Variants in IST1 observed in about 807,000 individuals in gnomAD.
The protein encoded by IST1 is IST1 factor associated with ESCRT-III.
In IST1, 23 loss-of-function variants were observed where a neutral mutation model predicts 37.0. The ratio of observed to expected loss-of-function variants is 0.62; its 90% CI spans 0.45 to 0.88. The LOEUF (loss-of-function observed/expected upper bound fraction) is 0.88. Ranked by LOEUF, IST1 falls within the 40% of genes least tolerant of loss-of-function variation. IST1 has a pLI of 0.00. For missense variants in IST1, 488 were observed against 445.4 expected, an observed-to-expected ratio of 1.10 and a Z score of -0.86; for synonymous variants, 180 against 161.7, an observed-to-expected ratio of 1.11 and a Z score of -0.86.
chr16:71,929,557 A>G lies in IST1; in HGVS notation c.*1744A>G. The G allele has an allele frequency of 6.4e-7, 1 of 1,551,036 alleles. No homozygotes were observed. Among genetic ancestry groups the G allele is most frequent in the Non-Finnish European group, 8.7e-7 (1 of 1,146,840 alleles). On this transcript the variant is annotated 3_prime_UTR_variant, in exon 10 of 10. Transcript: ENST00000378799. The stretch of plus-strand genomic sequence containing the variant: ...ACAGGATTAAGGTAGTTCATCTAAA[A>G]CTTCAGTGTCACTGCCCACTGCTGT...
chr16:71,903,965 CTGT>C (rs1447764420), intron 1 of IST1, among the ~76,000 whole-genome samples: 1 of 152,136 alleles, frequency 6.6e-6, no homozygotes, highest in Non-Finnish European at 1.5e-5. Context: ...TTTTGAAGCT[CTGT>C]TGTTGGGTGC....
chr16:71,929,022 GT>G lies in IST1; in HGVS notation c.*1212del, dbSNP rs2037821431. ...GATCCTGTGTCCTGCTTTCTCTACT[GT>G]TTGGTCAGATGATGAAGTATAAATC... On this transcript the variant is annotated 3_prime_UTR_variant, in exon 10 of 10. Coordinates refer to ENST00000378799, the MANE Select transcript of IST1 (RefSeq NM_001270975.2). 1 of 153,090 alleles carries G rather than the reference GT, an allele frequency of 6.5e-6. No homozygotes were observed. The highest frequency in any genetic ancestry group is 2.0e-4 in the South Asian group (1 of 4,898). The allele number at this position is 153,090 out of a possible 1,614,324, so 9.5% of individuals were successfully genotyped here. A position where few individuals can be genotyped will look rare whatever the true frequency, so the allele number is the denominator to read the frequency against.
intron 9 of IST1, among the ~76,000 whole-genome samples, chr16:71,925,951 A>G (rs1485774407): frequency 2.6e-5 from 4 of 151,086 alleles, no homozygotes; most frequent in African/African-American, 7.3e-5. Context: ...AAAAATTAAG[A>G]TAATACCTAC....
At chr16:71,920,917 G>A (rs1567471308) in intron 5 of IST1, 95 bp downstream of exon 5, 4 of 905,272 alleles carry the variant, frequency 4.4e-6, no homozygotes, top group Non-Finnish European at 7.4e-6. Context: ...GTATTGCTCA[G>A]TATGGGGTTT....
At position 71,927,975 on chromosome 16, in the gene IST1, C is replaced by CAGTTCTCTGTTGATCCT; in HGVS notation, c.*163_*179dup. 1 of 612,074 alleles carries CAGTTCTCTGTTGATCCT rather than the reference C, an allele frequency of 1.6e-6. No homozygotes were observed. The highest frequency in any genetic ancestry group is 2.8e-5 in the East Asian group (1 of 35,342). 37.9% of individuals were successfully genotyped at this position (612,074 alleles called of 1,614,324 possible). A position where few individuals can be genotyped will look rare whatever the true frequency, so the allele number is the denominator to read the frequency against. ...TGCTCCTCCAGATTCTGCTGCTTTC[C>CAGTTCTCTGTTGATCCT]AGTTCTCTGTTGATCCTGAGACTAA... is the stretch of plus-strand genomic sequence containing the variant. On this transcript the variant is annotated 3_prime_UTR_variant, in exon 10 of 10. Coordinates refer to ENST00000378799, the MANE Select transcript of IST1 (RefSeq NM_001270975.2).
chr16:71,905,783 A>G (rs1319515594), intron 1 of IST1, among the ~76,000 whole-genome samples: 1 of 152,128 alleles, frequency 6.6e-6, no homozygotes, highest in African/African-American at 2.4e-5. Flanking sequence ...TCTTCCCTTT[A>G]TCCCATAATG....
intron 1 of IST1, among the ~76,000 whole-genome samples, chr16:71,906,618 G>C (rs570438487): frequency 1.3e-5 from 2 of 152,158 alleles, no homozygotes; most frequent in East Asian, 3.9e-4. Context: ...GACCTGGCCC[G>C]CAATTCTTTT....
chr16:71,895,852 T>C (rs1036071685), intron 1 of IST1, among the ~76,000 whole-genome samples: 4 of 152,210 alleles, frequency 2.6e-5, no homozygotes, highest in Non-Finnish European at 4.4e-5. Context: ...TCCTGGATCC[T>C]CGAAGCCCCT....
At chr16:71,894,563 T>C, upstream of IST1, 1 of 322,872 alleles carries the variant, frequency 3.1e-6, no homozygotes, top group Non-Finnish European at 5.7e-6. Flanking sequence ...TTTTTTTCTG[T>C]AGCCTAGGCT....
At chr16:71,915,922 G>A (rs927804552) in intron 2 of IST1, among the ~76,000 whole-genome samples, 194 bp downstream of exon 2, 5 of 150,914 alleles carry the variant, frequency 3.3e-5, no homozygotes, top group African/African-American at 7.3e-5. Flanking sequence ...CCTCCATCTC[G>A]TGGGTTCAAG....
chr16:71,919,124 C>G (rs1370619203), intron 4 of IST1, among the ~76,000 whole-genome samples: 1 of 152,252 alleles, frequency 6.6e-6, no homozygotes, highest in Non-Finnish European at 1.5e-5. Context: ...GTCACGACCT[C>G]TTGCTTTAAA....
intron 9 of IST1, among the ~76,000 whole-genome samples, chr16:71,927,310 G>A (rs1424993015): frequency 6.6e-6 from 1 of 151,982 alleles, no homozygotes; most frequent in East Asian, 1.9e-4. Flanking sequence ...CCAACCTGGT[G>A]AAACCCTCTC....
chr16:71,906,022 G>A (rs78808085), intron 1 of IST1, among the ~76,000 whole-genome samples: 2 of 107,610 alleles, frequency 1.9e-5, no homozygotes, highest in Admixed American at 9.3e-5. Flanking sequence ...TTTTTTTTTG[G>A]AGACAGAATC....
In IST1 at chr16:71,928,711, T is replaced by G. The variant is rs1013867026; in HGVS notation, c.*898T>G. 1.3e-5 allele frequency: 2 copies of G among 152,544 alleles called. No homozygotes were observed. The highest frequency in any genetic ancestry group is 4.8e-5 in the African/African-American group (2 of 41,448). 9.4% of individuals were successfully genotyped at this position (152,544 alleles called of 1,614,324 possible). A position where few individuals can be genotyped will look rare whatever the true frequency, so the allele number is the denominator to read the frequency against. On this transcript the variant is annotated 3_prime_UTR_variant, in exon 10 of 10. Coordinates refer to ENST00000378799, the MANE Select transcript of IST1 (RefSeq NM_001270975.2). ...GGGTACCTGTTTTCATTTGAAAACT[T>G]TGATTCATGGAACCTTTAAAACTAA...
At chr16:71,913,578 A>G (rs750504256) in intron 1 of IST1, among the ~76,000 whole-genome samples, 3 of 152,068 alleles carry the variant, frequency 2.0e-5, no homozygotes, top group Non-Finnish European at 4.4e-5. Flanking sequence ...TTGGCTCACC[A>G]CAGCCTCTGC....
intron 2 of IST1, among the ~76,000 whole-genome samples, 166 bp from the exon 3 acceptor site, chr16:71,916,296 A>G (rs778704232): frequency 1.3e-5 from 2 of 152,218 alleles, no homozygotes; most frequent in Non-Finnish European, 2.9e-5. Context: ...TCTCACCTAG[A>G]CAGAGTAGCA....
chr16:71,894,499 G>A, upstream of IST1: 1 of 212,394 alleles, frequency 4.7e-6, no homozygotes, highest in South Asian at 7.3e-5. Context: ...ACCTGCCTCG[G>A]CCTCCCAAAA....
At chr16:71,908,923 A>G (rs2037288912) in intron 1 of IST1, among the ~76,000 whole-genome samples, 1 of 152,070 alleles carries the variant, frequency 6.6e-6, no homozygotes, top group Non-Finnish European at 1.5e-5. Context: ...TGCTACATGC[A>G]TTCTGTTCAG....
chr16:71,922,290 T>C (rs1178567247), intron 6 of IST1, among the ~76,000 whole-genome samples, 184 bp from the exon 7 acceptor site: 1 of 152,230 alleles, frequency 6.6e-6, no homozygotes, highest in Admixed American at 6.5e-5. Context: ...GAGGCCTTTG[T>C]TGTGACTGTG....
Sources: gnomAD v4.1 joint callset for allele counts (sites outside exome capture counted in the v4.1 genomes callset) on GRCh38, gnomAD v4.1.1 for gene constraint, MANE v1.5 for transcripts, NCBI Gene and HGNC (gene_info 2026-07-23, HGNC 2026-07-21) for gene names.